Variants in PDE7B observed in about 807,000 individuals in gnomAD.
PDE7B encodes the protein 3',5'-cyclic-AMP phosphodiesterase 7B.
In PDE7B, 29 loss-of-function variants were observed where a neutral mutation model predicts 56.2. That is an observed-to-expected ratio of 0.52 (90% confidence interval 0.38 to 0.70). The LOEUF (loss-of-function observed/expected upper bound fraction) is 0.70. PDE7B is among the 30% of genes least tolerant of loss of function. The pLI, the probability that PDE7B is intolerant of heterozygous loss-of-function variation, is 0.00. For missense variants in PDE7B, 490 were observed against 565.0 expected (o/e 0.87, Z 1.35); for synonymous variants, 197 against 196.9 (o/e 1.00, Z 0.00).
chr6:135,860,505 G>A (rs1482663125), intron 1 of PDE7B, among the ~76,000 whole-genome samples: 1 of 152,046 alleles, frequency 6.6e-6, no homozygotes, highest in Non-Finnish European at 1.5e-5. Flanking sequence ...CTGAGAGGCA[G>A]TAGAGTGCAT....
intron 1 of PDE7B, among the ~76,000 whole-genome samples, chr6:135,933,938 A>C (rs1774342677): frequency 6.6e-6 from 1 of 152,188 alleles, no homozygotes. Flanking sequence ...GTCAGTCTTT[A>C]ATAATTTAAA....
At chr6:135,854,020 CAAT>C (rs1774981933) in intron 1 of PDE7B, among the ~76,000 whole-genome samples, 1 of 152,142 alleles carries the variant, frequency 6.6e-6, no homozygotes, top group Admixed American at 6.5e-5. Flanking sequence ...AAAATCAAGT[CAAT>C]GATACAGAGA....
At chr6:136,085,540 G>C (rs1024457533) in intron 2 of PDE7B, among the ~76,000 whole-genome samples, 8 of 152,182 alleles carry the variant, frequency 5.3e-5, no homozygotes, top group Non-Finnish European at 1.0e-4. Context: ...TGAGTGTTCA[G>C]AGAAACAGCT....
intron 2 of PDE7B, among the ~76,000 whole-genome samples, chr6:136,002,502 G>A (rs1194395946): frequency 1.5e-4 from 23 of 152,102 alleles, no homozygotes. Context: ...AAGGATAGAG[G>A]AAGATCTACC....
At chr6:135,869,570 G>T (rs1387345795) in intron 1 of PDE7B, among the ~76,000 whole-genome samples, 1 of 152,174 alleles carries the variant, frequency 6.6e-6, no homozygotes, top group African/African-American at 2.4e-5. Flanking sequence ...TCCCCATGAA[G>T]CTTGCATTCC....
chr6:135,852,242 A>T (rs1323213262), intron 1 of PDE7B, among the ~76,000 whole-genome samples: 1 of 152,092 alleles, frequency 6.6e-6, no homozygotes, highest in Non-Finnish European at 1.5e-5. Context: ...GCAGGGTTTC[A>T]TTCCAACCAG....
chr6:135,943,153 T>C (rs1774535111), intron 1 of PDE7B, among the ~76,000 whole-genome samples: 1 of 152,238 alleles, frequency 6.6e-6, no homozygotes, highest in South Asian at 2.1e-4. Context: ...GTTAAATTTG[T>C]TAATTTTTAT....
chr6:136,178,678 A>G (rs1779017798), intron 9 of PDE7B, among the ~76,000 whole-genome samples: 1 of 152,172 alleles, frequency 6.6e-6, no homozygotes, highest in Non-Finnish European at 1.5e-5. Flanking sequence ...TGATTCTACA[A>G]GTCTTTTGTG....
intron 1 of PDE7B, among the ~76,000 whole-genome samples, chr6:135,924,617 C>CTTTTTTTTTTT (rs3037775): frequency 2.0e-5 from 1 of 49,582 alleles, no homozygotes; most frequent in Non-Finnish European, 3.4e-5. Context: ...CTCTCTCTCT[C>CTTTTTTTTTTT]TTTTTTTTTT....
chr6:136,066,689 T>G (rs937643888), intron 2 of PDE7B, among the ~76,000 whole-genome samples: 1 of 152,062 alleles, frequency 6.6e-6, no homozygotes, highest in Non-Finnish European at 1.5e-5. Flanking sequence ...AGTCTCATGA[T>G]AAATACTCTT....
chr6:135,962,182 A>C (rs1222658201), intron 2 of PDE7B, among the ~76,000 whole-genome samples: 1 of 152,242 alleles, frequency 6.6e-6, no homozygotes, highest in African/African-American at 2.4e-5. Context: ...TAGTTAAGGC[A>C]TCATATTTGG....
At chr6:135,920,824 T>A (rs1007085926) in intron 1 of PDE7B, among the ~76,000 whole-genome samples, 1 of 152,154 alleles carries the variant, frequency 6.6e-6, no homozygotes, top group Non-Finnish European at 1.5e-5. Flanking sequence ...CTGCGCAGAG[T>A]ATCCAATCCC....
chr6:136,159,559 G>T (rs1233935085), intron 8 of PDE7B, among the ~76,000 whole-genome samples: 2 of 152,154 alleles, frequency 1.3e-5, no homozygotes, highest in African/African-American at 4.8e-5. Context: ...GGCTCAAGGA[G>T]CTTCTATTCC....
intron 2 of PDE7B, among the ~76,000 whole-genome samples, chr6:136,027,577 A>T (rs1381869020): frequency 6.6e-6 from 1 of 152,142 alleles, no homozygotes; most frequent in African/African-American, 2.4e-5. Context: ...AGTTGTCAAG[A>T]CATAAAAAAA....
At chr6:136,136,751 A>C (rs1442970076) in intron 3 of PDE7B, among the ~76,000 whole-genome samples, 1 of 150,150 alleles carries the variant, frequency 6.7e-6, no homozygotes, top group Non-Finnish European at 1.5e-5. Context: ...AAAATAAAAT[A>C]AATAATGAAA....
chr6:135,883,310 C>A (rs1050077172), intron 1 of PDE7B, among the ~76,000 whole-genome samples: 3 of 152,122 alleles, frequency 2.0e-5, no homozygotes, highest in Admixed American at 2.0e-4. Context: ...CATGAGAAGG[C>A]CTTCAAGCCT....
Position 136,174,989 on chromosome 6 carries a change from G to A in PDE7B, c.803+1101G>A, listed in dbSNP as rs144171153. Reference sequence around the variant, plus strand: ...AGGAGGTAAGGAGAGAGACAAGGAAGAAAGAAGGAGAAGGAAAGGAAGAAT... The same window carrying A: ...AGGAGGTAAGGAGAGAGACAAGGAAAAAAGAAGGAGAAGGAAAGGAAGAAT... On this transcript the variant is annotated intron_variant, in intron 9 of 12. Coordinates refer to ENST00000308191, the MANE Select transcript of PDE7B (RefSeq NM_018945.4). Among the ~76,000 whole-genome samples the A allele has an allele frequency of 2.0e-3, 299 of 152,242 alleles. 1 individual carries two copies. The highest frequency in any genetic ancestry group is 6.7e-3 in the African/African-American group (279 of 41,536).
At chr6:135,972,798 A>G (rs1274045990) in intron 2 of PDE7B, among the ~76,000 whole-genome samples, 4 of 152,184 alleles carry the variant, frequency 2.6e-5, no homozygotes, top group Non-Finnish European at 5.9e-5. Context: ...AGACAGATAG[A>G]TGACAGCTGC....
chr6:135,959,064 A>C (rs1774852511), intron 2 of PDE7B, among the ~76,000 whole-genome samples: 1 of 152,212 alleles, frequency 6.6e-6, no homozygotes, highest in African/African-American at 2.4e-5. Flanking sequence ...GGAGATAGTT[A>C]ACATGAAATC....
Sources: gnomAD v4.1 joint callset for allele counts (sites outside exome capture counted in the v4.1 genomes callset) on GRCh38, gnomAD v4.1.1 for gene constraint, MANE v1.5 for transcripts, NCBI Gene and HGNC (gene_info 2026-07-23, HGNC 2026-07-21) for gene names.